Variants in R3HDM1 observed in about 807,000 individuals in gnomAD.
R3HDM1 encodes R3H domain containing 1, also known as R3H domain-containing protein 1.
Under a neutral mutation model 141.1 loss-of-function variants are expected in R3HDM1, and 46 were observed. The ratio of observed to expected loss-of-function variants is 0.33; its 90% confidence interval spans 0.26 to 0.42. The LOEUF is 0.42. Ranked by LOEUF, R3HDM1 falls within the 10% of genes least tolerant of loss-of-function variation. The probability of loss-of-function intolerance (pLI) is 1.00; values close to 1 mark genes in which losing one functional copy is unlikely to be tolerated. For missense variants in R3HDM1, 1,184 were observed against 1,368.3 expected, an observed-to-expected ratio of 0.87 and a Z score of 2.12; for synonymous variants, 435 against 472.9, an observed-to-expected ratio of 0.92 and a Z score of 1.04.
At chr2:135,651,110 T>C (rs2105278012) in intron 17 of R3HDM1, 1 of 985,392 alleles carries the variant, frequency 1.0e-6, no homozygotes, top group East Asian at 1.1e-4. Flanking sequence ...GTCATTTGAA[T>C]TACATTTGTC....
At chr2:135,636,514 T>C (rs2063267547) in intron 11 of R3HDM1, among the ~76,000 whole-genome samples, 1 of 152,154 alleles carries the variant, frequency 6.6e-6, no homozygotes, top group East Asian at 1.9e-4. Context: ...TAGAAATTGC[T>C]CCACTGTCTA....
chr2:135,656,596 T>C (rs539453478), intron 18 of R3HDM1: 2 of 151,656 alleles, frequency 1.3e-5, no homozygotes, highest in African/African-American at 4.9e-5. Flanking sequence ...TCTGAATATG[T>C]GTGTTTTTCT....
At chr2:135,667,492 A>T (rs971474261) in intron 19 of R3HDM1, 4 of 443,358 alleles carry the variant, frequency 9.0e-6, no homozygotes, top group African/African-American at 8.6e-5. Flanking sequence ...AGGCTTTCCC[A>T]CAATATTGAC....
intron 1 of R3HDM1, among the ~76,000 whole-genome samples, chr2:135,555,974 C>T (rs2104942890): frequency 6.6e-6 from 1 of 152,174 alleles, no homozygotes; most frequent in East Asian, 1.9e-4. Flanking sequence ...CATGATCTTG[C>T]CACTGTACTC....
chr2:135,631,830 C>CT, intron 8 of R3HDM1, 31 bp from the exon 9 acceptor site: 1 of 1,595,568 alleles, frequency 6.3e-7, no homozygotes, highest in Non-Finnish European at 8.5e-7. Flanking sequence ...TTCTCCTTGA[C>CT]TTACTAAGTT....
intron 18 of R3HDM1, among the ~76,000 whole-genome samples, chr2:135,654,802 T>C (rs565831939): frequency 1.8e-4 from 28 of 152,212 alleles, no homozygotes; most frequent in Non-Finnish European, 3.2e-4. Flanking sequence ...GTTTTGAATA[T>C]GTAGGTACAT....
intron 21 of R3HDM1, among the ~76,000 whole-genome samples, chr2:135,703,483 A>C (rs895359841): frequency 2.0e-5 from 3 of 152,190 alleles, no homozygotes. Context: ...TCATCCTGGC[A>C]GTTATATAAT....
At chr2:135,716,971 A>AAAC (rs1575235745) in intron 24 of R3HDM1, among the ~76,000 whole-genome samples, 4 of 151,846 alleles carry the variant, frequency 2.6e-5, no homozygotes, top group African/African-American at 9.7e-5. Context: ...AACAAACAAA[A>AAAC]AAACAAACAA....
chr2:135,676,379 G>A (rs2069182768), intron 20 of R3HDM1, among the ~76,000 whole-genome samples: 1 of 152,180 alleles, frequency 6.6e-6, no homozygotes, highest in South Asian at 2.1e-4. Flanking sequence ...CCTATTATTT[G>A]ATGAATAAGC....
intron 1 of R3HDM1, among the ~76,000 whole-genome samples, chr2:135,577,506 CACAA>C (rs1705736484): frequency 6.8e-6 from 1 of 147,186 alleles, no homozygotes. Flanking sequence ...ATGGACAACT[CACAA>C]ACAATGAAAA....
In R3HDM1 at chr2:135,683,575, C is replaced by A. The variant is rs556077678; in HGVS notation, c.2459+3251C>A. On this transcript the variant is annotated intron_variant, in intron 21 of 26. Coordinates refer to ENST00000683871, the MANE Select transcript of R3HDM1 (RefSeq NM_001378107.1). Reference sequence around the variant, plus strand: ...TCTCAAAAAAAAAAAAAAAAAAATTCATTAAAGATCTCTTTGGGTGAAAAA... The same window carrying A: ...TCTCAAAAAAAAAAAAAAAAAAATTAATTAAAGATCTCTTTGGGTGAAAAA... Among the ~76,000 whole-genome samples, 574 of 134,984 alleles carry A rather than the reference C, an allele frequency of 4.3e-3. 11 individuals carry two copies. Among genetic ancestry groups the A allele is most frequent in the South Asian group, 0.038 (155 of 4,064 alleles). 88.6% of individuals were successfully genotyped at this position (134,984 alleles called of 152,430 possible). A position where few individuals can be genotyped will look rare whatever the true frequency, so the allele number is the denominator to read the frequency against.
intron 1 of R3HDM1, among the ~76,000 whole-genome samples, chr2:135,537,779 C>T (rs1164583047): frequency 2.0e-5 from 3 of 151,978 alleles, no homozygotes; most frequent in African/African-American, 7.3e-5. Flanking sequence ...GCCTTAGCCT[C>T]CCTAGTAGCT....
At chr2:135,660,206 C>G (rs2066506845) in intron 18 of R3HDM1, among the ~76,000 whole-genome samples, 1 of 152,032 alleles carries the variant, frequency 6.6e-6, no homozygotes, top group Admixed American at 6.5e-5. Flanking sequence ...GTTGAGTTTC[C>G]CGTATTTGAA....
At chr2:135,541,889 A>C (rs1436534116) in intron 1 of R3HDM1, among the ~76,000 whole-genome samples, 1 of 151,770 alleles carries the variant, frequency 6.6e-6, no homozygotes, top group Non-Finnish European at 1.5e-5. Context: ...AGAAAGAGAA[A>C]AGCAATGTCT....
chr2:135,669,542 A>AG, intron 19 of R3HDM1: 1 of 985,330 alleles, frequency 1.0e-6, no homozygotes, highest in Non-Finnish European at 1.2e-6. Flanking sequence ...AAATGAAGCA[A>AG]GGCCAGGTTC....
chr2:135,586,631 T>A, intron 1 of R3HDM1: 1 of 900,812 alleles, frequency 1.1e-6, no homozygotes, highest in Non-Finnish European at 1.3e-6. Flanking sequence ...ATATTGAAAG[T>A]GAGAGCATTT....
chr2:135,580,424 T>C (rs987164462), intron 1 of R3HDM1, among the ~76,000 whole-genome samples: 2 of 152,190 alleles, frequency 1.3e-5, no homozygotes, highest in Admixed American at 1.3e-4. Flanking sequence ...ATACTTGTAT[T>C]TATTATTGGT....
intron 1 of R3HDM1, among the ~76,000 whole-genome samples, chr2:135,560,700 T>C (rs1175910276): frequency 2.6e-5 from 4 of 152,208 alleles, no homozygotes; most frequent in Admixed American, 1.3e-4. Flanking sequence ...CAAGTTGTGG[T>C]AGAGACTTGA....
At chr2:135,687,146 G>A (rs1442530088) in intron 21 of R3HDM1, among the ~76,000 whole-genome samples, 2 of 152,234 alleles carry the variant, frequency 1.3e-5, no homozygotes, top group African/African-American at 4.8e-5. Flanking sequence ...AGTGAGCCGA[G>A]ATAGTGCCAC....
Sources: allele counts gnomAD v4.1 joint callset (sites outside exome capture counted in the v4.1 genomes callset), GRCh38; gene constraint gnomAD v4.1.1; transcripts MANE v1.5; gene names NCBI Gene and HGNC (gene_info 2026-07-23, HGNC 2026-07-21).